KIF21B: variants seen among roughly 807,000 people sequenced by gnomAD.
KIF21B encodes the protein kinesin-like protein KIF21B.
Under a neutral mutation model 192.9 loss-of-function variants are expected in KIF21B, and 85 were observed. The observed-to-expected ratio is 0.44, with a 90% CI of 0.37 to 0.53. The LOEUF (loss-of-function observed/expected upper bound fraction) is 0.53. KIF21B is among the 20% of genes least tolerant of loss of function. The probability of loss-of-function intolerance (pLI) is 0.00; values close to 1 mark genes in which losing one functional copy is unlikely to be tolerated. For synonymous variants in KIF21B, 832 were observed against 884.6 expected, an observed-to-expected ratio of 0.94 and a Z score of 1.05; for missense variants, 1,716 against 2,194.8, an observed-to-expected ratio of 0.78 and a Z score of 4.36.
chr1:201,003,765 C>A lies in KIF21B; in HGVS notation c.1033G>T (p.Ala345Ser). The A allele has an allele frequency of 6.2e-7, 1 of 1,614,130 alleles. No homozygotes were observed. The highest frequency in any genetic ancestry group is 8.5e-7 in the Non-Finnish European group (1 of 1,180,036). The change falls in exon 8 of 35, where the codon GCC (alanine) becomes TCC (serine). Residue 345 changes from alanine (A) to serine (S), a missense_variant. Ala to Ser is a moderately conservative substitution (Grantham distance 99). Around this residue, in one of 3 missense-constraint regions of KIF21B, gnomAD observed 1,087 missense variants for 1,316.6 expected, o/e 0.83. Coordinates refer to ENST00000461742, the MANE Select transcript of KIF21B (RefSeq NM_001252102.2). ...TCTCGGTCTGAGGGGCTCACACAGGCGATCATGATGGTCTGGCTGGGGGTG... is the reference window on the plus strand; with the variant it reads ...TCTCGGTCTGAGGGGCTCACACAGGAGATCATGATGGTCTGGCTGGGGGTG... Reference protein sequence around the residue: ...LGGNSQTIMIACVSPSDRDFM... With the variant: ...LGGNSQTIMISCVSPSDRDFM...
intron 1 of KIF21B, among the ~76,000 whole-genome samples, chr1:201,019,446 C>T (rs994362193): frequency 2.0e-5 from 3 of 151,644 alleles, no homozygotes; most frequent in African/African-American, 4.8e-5. Context: ...ATGACGAAGC[C>T]AGTGGATGAA....
chr1:200,983,905 C>T (rs1656114905), intron 27 of KIF21B, among the ~76,000 whole-genome samples: 1 of 152,176 alleles, frequency 6.6e-6, no homozygotes, highest in Non-Finnish European at 1.5e-5. Flanking sequence ...AGGGGCATTT[C>T]TGTGGAGAGG....
At chr1:201,021,640 G>A (rs1183460817) in intron 1 of KIF21B, among the ~76,000 whole-genome samples, 1 of 152,186 alleles carries the variant, frequency 6.6e-6, no homozygotes, top group Non-Finnish European at 1.5e-5. Context: ...CTCCCCGGGT[G>A]GGAGTCCCAC....
intron 24 of KIF21B, among the ~76,000 whole-genome samples, chr1:200,987,545 G>A (rs140925201): frequency 2.6e-5 from 4 of 152,194 alleles, no homozygotes; most frequent in Non-Finnish European, 5.9e-5. Context: ...CACCCAGCCC[G>A]CCCGGAAATT....
rs1655310754 is a variant in KIF21B, at chr1:200,973,198, C to T, written c.*323G>A. 1.0e-5 allele frequency: 3 copies of T among 286,056 alleles called. No homozygotes were observed. The South Asian group carries it at 4.3e-4, about 41-fold the overall frequency. The allele number at this position is 286,056 out of a possible 1,614,324, so 17.7% of individuals were successfully genotyped here. On this transcript the variant is annotated 3_prime_UTR_variant, in exon 35 of 35. Transcript: ENST00000461742. ...CAGGGCTCCACCACTGGGCCAAAGG[C>T]CTGAGAAAGGGGCAGAGCCGGTTCA...
At chr1:200,984,808 C>A (rs374217011) in intron 27 of KIF21B, 51 bp downstream of exon 27, 34 of 1,350,310 alleles carry the variant, frequency 2.5e-5, no homozygotes, top group Non-Finnish European at 3.2e-5. Context: ...TCCACAGGCT[C>A]CCCATTGCCA....
At position 201,008,874 on chromosome 1, in the gene KIF21B, C is replaced by G. The variant is rs762943498; in HGVS notation, c.342G>C (p.Pro114=). ...CCCCAAAGAGGTGTGCGATGGCCCT[C>G]GGGATGATGCCCTGCTCCTCCTCCG... ...ATSEEEQGII[P]RAIAHLFGGI... Residue 114 remains proline (P), a synonymous_variant, in exon 3 of 35, where the codon CCG becomes CCC. Coordinates refer to ENST00000461742, the MANE Select transcript of KIF21B (RefSeq NM_001252102.2). The G allele has an allele frequency of 1.2e-6, 2 of 1,611,438 alleles. No homozygotes were observed. The highest frequency in any genetic ancestry group is 1.7e-6 in the Non-Finnish European group (2 of 1,179,984).
chr1:200,988,483 G>C lies in KIF21B; in HGVS notation c.3350+10C>G, dbSNP rs1390385975. 2.8e-6 allele frequency: 4 copies of C among 1,450,376 alleles called. No individual in the cohort carries two copies. The East Asian group carries it at 8.2e-5, about 30-fold the overall frequency. The allele number at this position is 1,450,376 out of a possible 1,614,324, so 89.8% of individuals were successfully genotyped here. A position where few individuals can be genotyped will look rare whatever the true frequency, so the allele number is the denominator to read the frequency against. On this transcript the variant is annotated intron_variant, in intron 23 of 34. Transcript: ENST00000461742. ...TGAGCCAGCCTCTCACTCCCAGCTT[G>C]CAAACTCACCTGCCCTCAGAGAACT...
At chr1:200,978,195 A>G (rs1429671653) in intron 30 of KIF21B, among the ~76,000 whole-genome samples, 1 of 151,712 alleles carries the variant, frequency 6.6e-6, no homozygotes, top group Non-Finnish European at 1.5e-5. Flanking sequence ...GATTACAGGC[A>G]TGCGCCACCA....
At chr1:200,989,888 C>G (rs1656563996) in intron 21 of KIF21B, 54 bp downstream of exon 21, 1 of 1,417,262 alleles carries the variant, frequency 7.1e-7, no homozygotes, top group African/African-American at 1.4e-5. Context: ...TAGGGTATAT[C>G]ACAGAGGCAT....
chr1:200,997,845 C>T (rs1169870163), intron 14 of KIF21B, among the ~76,000 whole-genome samples: 1 of 152,198 alleles, frequency 6.6e-6, no homozygotes, highest in Non-Finnish European at 1.5e-5. Flanking sequence ...ACTATAGTTT[C>T]TGCTCTTTCG....
chr1:201,006,281 G>T (rs1471158060), intron 3 of KIF21B, among the ~76,000 whole-genome samples: 8 of 152,222 alleles, frequency 5.3e-5, no homozygotes, highest in African/African-American at 1.7e-4. Context: ...CGTGGGGAGG[G>T]GGCCTGGCCA....
intron 26 of KIF21B, among the ~76,000 whole-genome samples, chr1:200,985,443 G>C (rs1656218852): frequency 1.3e-5 from 2 of 152,104 alleles, no homozygotes; most frequent in Admixed American, 1.3e-4. Flanking sequence ...AACCCTGATT[G>C]TGCCACTATA....
At position 200,975,439 on chromosome 1, in the gene KIF21B, G is replaced by T; in HGVS notation, c.4614+60C>A. 6.6e-7 allele frequency: 1 copy of T among 1,510,664 alleles called. No homozygotes were observed. Among genetic ancestry groups the T allele is most frequent in the Non-Finnish European group, 9.1e-7 (1 of 1,103,166 alleles). 93.6% of individuals were successfully genotyped at this position (1,510,664 alleles called of 1,614,324 possible). On this transcript the variant is annotated intron_variant, in intron 33 of 34. Transcript: ENST00000461742. This position sits in a 1 kb window ranked among gnomAD's most constrained non-coding sequence, Gnocchi z 4.3. Reference sequence around the variant, plus strand: ...CAGGTCCCAGGGTCTCCAAGGCCCTGCGTGGGCTATGGAAACCACCCTACC... The same window carrying T: ...CAGGTCCCAGGGTCTCCAAGGCCCTTCGTGGGCTATGGAAACCACCCTACC...
At chr1:201,021,545 T>A (rs73072923) in intron 1 of KIF21B, among the ~76,000 whole-genome samples, 11,372 of 152,230 alleles carry the variant, frequency 0.075, 1,344 homozygotes, top group African/African-American at 0.25. Flanking sequence ...TGATCCCTTC[T>A]CTGCAGAAAG....
Position 200,997,992 on chromosome 1 carries a change from T to C in KIF21B, c.2077+392A>G, listed in dbSNP as rs1000352682. Among the ~76,000 whole-genome samples, 3 of 151,988 alleles carry C rather than the reference T, an allele frequency of 2.0e-5. No homozygotes were observed. In the South Asian group the frequency reaches 6.2e-4, roughly 32 times the overall value. On this transcript the variant is annotated intron_variant, in intron 14 of 34. Transcript: ENST00000461742. ...TGTGTTTGCTGAATAAGTAAATCAATGAATGAATAAAAAATGGAATGAATG... is the reference window on the plus strand; with the variant it reads ...TGTGTTTGCTGAATAAGTAAATCAACGAATGAATAAAAAATGGAATGAATG...
In KIF21B at chr1:200,971,166, G is replaced by C. The variant is rs146955299; in HGVS notation, c.*2355C>G. 103 of 152,944 alleles carry C rather than the reference G, an allele frequency of 6.7e-4. 1 individual carries two copies. The highest frequency in any genetic ancestry group is 2.3e-3 in the African/African-American group (97 of 41,596). 9.5% of individuals were successfully genotyped at this position (152,944 alleles called of 1,614,324 possible). ...CCTAACATGGACCTTGGACATCCCT[G>C]AAAGAGTGGGCAGAGAATCCAACTC... is the stretch of plus-strand genomic sequence containing the variant. On this transcript the variant is annotated 3_prime_UTR_variant, in exon 35 of 35. Coordinates refer to ENST00000461742, the MANE Select transcript of KIF21B (RefSeq NM_001252102.2).
At position 201,000,285 on chromosome 1, in the gene KIF21B, A is replaced by C; in HGVS notation, c.1685+105T>G. 8.5e-7 allele frequency: 1 copy of C among 1,180,564 alleles called. No individual in the cohort carries two copies. The highest frequency in any genetic ancestry group is 1.2e-6 in the Non-Finnish European group (1 of 843,096). 73.1% of individuals were successfully genotyped at this position (1,180,564 alleles called of 1,614,324 possible). A position where few individuals can be genotyped will look rare whatever the true frequency, so the allele number is the denominator to read the frequency against. On this transcript the variant is annotated intron_variant, in intron 11 of 34. Coordinates refer to ENST00000461742, the MANE Select transcript of KIF21B (RefSeq NM_001252102.2). The surrounding 1 kb of genome is among the most constrained non-coding windows in gnomAD (Gnocchi z 6.0). Reference sequence around the variant, plus strand: ...GCAGCCCCTGGGGCTGGGGGCGTGGAGGTTCCCTCCTAAACACTGGTGGGC... The same window carrying C: ...GCAGCCCCTGGGGCTGGGGGCGTGGCGGTTCCCTCCTAAACACTGGTGGGC...
rs1657346364 is a variant in KIF21B at position 200,999,785 on chromosome 1, TCCTTCA to T, written c.1767+92_1767+97del. On this transcript the variant is annotated intron_variant, in intron 12 of 34. Transcript: ENST00000461742. The surrounding 1 kb of genome is among the most constrained non-coding windows in gnomAD (Gnocchi z 4.7). The stretch of plus-strand genomic sequence containing the variant: ...TCAACTGGATGCAGACCCAACCGCC[TCCTTCA>T]CTCCATACAAGGATGCGGATGGGGC... The T allele has an allele frequency of 2.8e-4, 338 of 1,214,850 alleles. 5 individuals are homozygous for T. In the South Asian group the frequency reaches 4.0e-3, roughly 14 times the overall value. The allele number at this position is 1,214,850 out of a possible 1,614,324, so 75.3% of individuals were successfully genotyped here. A position where few individuals can be genotyped will look rare whatever the true frequency, so the allele number is the denominator to read the frequency against.
Sources: allele counts gnomAD v4.1 joint callset (sites outside exome capture counted in the v4.1 genomes callset), GRCh38; gene constraint gnomAD v4.1.1; regional missense constraint gnomAD v4.1.1; non-coding constraint Gnocchi (gnomAD v3.1); transcripts MANE v1.5; gene names NCBI Gene and HGNC (gene_info 2026-07-23, HGNC 2026-07-21).